Variants in C8B observed in about 807,000 individuals in gnomAD.
C8B encodes complement component C8 beta chain.
C8B carries 67 observed loss-of-function variants against 64.6 expected under a neutral mutation model. That is an observed-to-expected ratio of 1.04 (90% CI 0.85 to 1.27). The LOEUF is 1.27. Ranked by LOEUF, C8B falls within the 50% of genes most tolerant of loss-of-function variation. The probability of loss-of-function intolerance (pLI) is 0.00; values close to 1 mark genes in which losing one functional copy is unlikely to be tolerated. For synonymous variants in C8B, 284 were observed against 257.7 expected, an observed-to-expected ratio of 1.10 and a Z score of -0.98; for missense variants, 790 against 725.2, an observed-to-expected ratio of 1.09 and a Z score of -1.03.
At chr1:56,955,282 G>A (rs2101446753) in intron 3 of C8B, among the ~76,000 whole-genome samples, 1 of 152,316 alleles carries the variant, frequency 6.6e-6, no homozygotes, top group Non-Finnish European at 1.5e-5. Flanking sequence ...AGTGTTATCA[G>A]TACTATTCGT....
chr1:56,930,754 G>A (rs1644689159), intron 11 of C8B, among the ~76,000 whole-genome samples: 1 of 152,118 alleles, frequency 6.6e-6, no homozygotes, highest in African/African-American at 2.4e-5. Flanking sequence ...TACTTCATGG[G>A]GTTGTTGTGA....
At chr1:56,959,491 G>C in intron 2 of C8B, 1 of 1,202,752 alleles carries the variant, frequency 8.3e-7, no homozygotes, top group Non-Finnish European at 1.2e-6. Flanking sequence ...TTGTGAGTAG[G>C]TGTTCACCAG....
intron 8 of C8B, among the ~76,000 whole-genome samples, chr1:56,941,475 T>C (rs979596281): frequency 6.6e-6 from 1 of 151,080 alleles, no homozygotes; most frequent in Non-Finnish European, 1.5e-5. Context: ...GATAAATAGA[T>C]AGATAATAGT....
At chr1:56,952,343 A>C (rs776125142) in intron 4 of C8B, among the ~76,000 whole-genome samples, 163 bp from the exon 5 acceptor site, 5 of 152,190 alleles carry the variant, frequency 3.3e-5, no homozygotes, top group African/African-American at 4.8e-5. Flanking sequence ...GGCCGCCCTT[A>C]ACCACAGCCA....
chr1:56,936,080 C>T (rs1473256545), intron 9 of C8B, among the ~76,000 whole-genome samples: 1 of 152,202 alleles, frequency 6.6e-6, no homozygotes, highest in Admixed American at 6.5e-5. Flanking sequence ...TCTTTCTTTT[C>T]CCTTTTGCTA....
At chr1:56,952,576 T>C (rs766823869) in intron 4 of C8B, among the ~76,000 whole-genome samples, 1 of 152,196 alleles carries the variant, frequency 6.6e-6, no homozygotes, top group Non-Finnish European at 1.5e-5. Context: ...TTAGGGACCC[T>C]CATAACACCC....
intron 5 of C8B, 78 bp downstream of exon 5, chr1:56,951,970 C>A: frequency 3.2e-6 from 5 of 1,572,656 alleles, no homozygotes; most frequent in Non-Finnish European, 4.4e-6. Flanking sequence ...GGCTAGCAGG[C>A]TGTCAGGCCG....
intron 2 of C8B, chr1:56,959,435 C>T: frequency 2.6e-6 from 2 of 774,522 alleles, no homozygotes; most frequent in Non-Finnish European, 2.2e-6. Flanking sequence ...GAGGAGGAGT[C>T]AAAAAGCTTT....
chr1:56,932,035 A>G (rs971223412), intron 10 of C8B, among the ~76,000 whole-genome samples, 157 bp from the exon 11 acceptor site: 1 of 151,974 alleles, frequency 6.6e-6, no homozygotes, highest in East Asian at 1.9e-4. Flanking sequence ...AGGAATACCT[A>G]CTCCTTTCCT....
At chr1:56,953,563 A>G (rs1422963661) in intron 4 of C8B, among the ~76,000 whole-genome samples, 3 of 152,224 alleles carry the variant, frequency 2.0e-5, no homozygotes, top group Non-Finnish European at 4.4e-5. Flanking sequence ...CTGACAGTGG[A>G]GCAAGAACAG....
chr1:56,945,381 C>G (rs924595342), intron 7 of C8B, among the ~76,000 whole-genome samples: 1 of 152,146 alleles, frequency 6.6e-6, no homozygotes, highest in Admixed American at 6.5e-5. Flanking sequence ...TTGGTGGAAC[C>G]GTTTCTGAGA....
rs796187258 is a variant in C8B at position 56,960,837 on chromosome 1, T to TG, written c.93-662dup. On this transcript the variant is annotated intron_variant, in intron 1 of 11. Transcript: ENST00000371237. ...AAACACAGCAGAAAATAAATCTTGA[T>TG]GGGGAAGACTTGAGTTTCGGGTGGG... 5.9e-5 allele frequency among the ~76,000 whole-genome samples: 9 copies of TG among 152,024 alleles called. No homozygotes were observed. In the East Asian group the frequency reaches 9.7e-4, roughly 16 times the overall value.
chr1:56,949,666 C>T lies in C8B; in HGVS notation c.753G>A (p.Lys251=), dbSNP rs762692107. Residue 251 remains lysine, a synonymous_variant, in exon 6 of 12, where the codon AAG becomes AAA. Transcript: ENST00000371237. The part of the protein sequence containing the change: ...ERNVTEKMAS[K]SGFSFGFKIP... Reference sequence around the variant, plus strand: ...TTTTAAAACCAAAACTGAAACCAGACTTGCTTGCCATTTTCTCTGTGACAT... The same window carrying T: ...TTTTAAAACCAAAACTGAAACCAGATTTGCTTGCCATTTTCTCTGTGACAT... 1.9e-6 allele frequency: 3 copies of T among 1,614,000 alleles called. No individual in the cohort carries two copies. Among genetic ancestry groups the T allele is most frequent in the African/African-American group, 2.7e-5 (2 of 75,034 alleles).
At chr1:56,942,632 A>T (rs1416403293) in intron 8 of C8B, among the ~76,000 whole-genome samples, 1 of 152,114 alleles carries the variant, frequency 6.6e-6, no homozygotes, top group Non-Finnish European at 1.5e-5. Context: ...TGAACCCGGG[A>T]GGCGGAGGTT....
Position 56,940,964 on chromosome 1 carries a change from C to T in C8B, c.1283G>A (p.Arg428Gln), listed in dbSNP as rs199592536. ...GGTGATGTGCTCACTTGCCCCTCCT[C>T]GTACCAGGACCACCAAGTCCTCCAC... The part of the protein sequence containing the change: ...TMVEDLVVLV[R>Q]GGASEHITTL... Residue 428 changes from arginine (R) to glutamine (Q), a missense_variant, in exon 9 of 12, where the codon CGA becomes CAA. Arg to Gln is a conservative substitution (Grantham distance 43). Transcript: ENST00000371237. 4.2e-5 allele frequency: 67 copies of T among 1,613,916 alleles called. No individual in the cohort carries two copies. In the South Asian group the frequency reaches 6.4e-4, roughly 15 times the overall value.
intron 8 of C8B, among the ~76,000 whole-genome samples, chr1:56,941,783 T>C (rs952974291): frequency 2.6e-5 from 4 of 152,208 alleles, no homozygotes; most frequent in African/African-American, 9.7e-5. Context: ...ATAGCCACTG[T>C]TCCTTGGTCA....
intron 5 of C8B, among the ~76,000 whole-genome samples, 187 bp from the exon 6 acceptor site, chr1:56,949,939 G>A (rs974296083): frequency 5.9e-5 from 9 of 152,232 alleles, no homozygotes; most frequent in South Asian, 2.1e-4. Context: ...AGACAGACCT[G>A]ATCAATACCT....
chr1:56,945,735 C>T, intron 7 of C8B, 86 bp downstream of exon 7: 2 of 1,540,236 alleles, frequency 1.3e-6, no homozygotes, highest in Non-Finnish European at 1.8e-6. Context: ...GAAGGTGTAG[C>T]CAGGAAGGTA....
intron 2 of C8B, chr1:56,959,662 G>A (rs894503234): frequency 1.3e-6 from 2 of 1,521,350 alleles, no homozygotes; most frequent in Admixed American, 2.0e-5. Context: ...TTGATCCTAA[G>A]GGTCATGGGT....
Sources: gnomAD v4.1 joint callset for allele counts (sites outside exome capture counted in the v4.1 genomes callset) on GRCh38, gnomAD v4.1.1 for gene constraint, MANE v1.5 for transcripts, NCBI Gene and HGNC (gene_info 2026-07-23, HGNC 2026-07-21) for gene names.